The following MYO7B variants were observed in gnomAD, a reference collection of about 807,000 sequenced individuals.
MYO7B encodes the protein unconventional myosin-VIIb.
Under a neutral mutation model 259.7 loss-of-function variants are expected in MYO7B, and 212 were observed. The observed-to-expected ratio is 0.82, with a 90% confidence interval of 0.73 to 0.91. The LOEUF is 0.91. MYO7B is among the 40% of genes least tolerant of loss of function. The probability of loss-of-function intolerance (pLI) is 0.00; values close to 1 mark genes in which losing one functional copy is unlikely to be tolerated. For missense variants in MYO7B, 2,732 were observed against 2,813.5 expected, an observed-to-expected ratio of 0.97 and a Z score of 0.66; for synonymous variants, 1,197 against 1,166.4, an observed-to-expected ratio of 1.03 and a Z score of -0.54.
intron 12 of MYO7B, among the ~76,000 whole-genome samples, chr2:127,583,781 C>T (rs1315098242): frequency 6.6e-6 from 1 of 152,156 alleles, no homozygotes; most frequent in African/African-American, 2.4e-5. Context: ...CTGGTGTGCA[C>T]TCAGACCACA....
rs1393519663 is a variant in MYO7B, at chr2:127,590,500, C to T, written c.1992+271C>T. Among the ~76,000 whole-genome samples the T allele has an allele frequency of 6.6e-6, 1 of 152,248 alleles. No homozygotes were observed. The highest frequency in any genetic ancestry group is 2.4e-5 in the African/African-American group (1 of 41,462). On this transcript the variant is annotated intron_variant, in intron 16 of 47. Coordinates refer to ENST00000409816, the MANE Select transcript of MYO7B (RefSeq NM_001393586.1). The surrounding 1 kb of genome is among the most constrained non-coding windows in gnomAD (Gnocchi z 4.6). ...TGGCCTGGCTCTTTGCTGCTGTGAG[C>T]CTCAGTTTTCCCTTCTGTTAAGTCA... is the stretch of plus-strand genomic sequence containing the variant.
rs372712961 is a variant in MYO7B at position 127,560,201 on chromosome 2, A to G, written c.18+461A>G. Among the ~76,000 whole-genome samples the G allele has an allele frequency of 4.0e-5, 6 of 151,588 alleles. No individual in the cohort carries two copies. In the East Asian group the frequency reaches 7.8e-4, roughly 20 times the overall value. Reference sequence around the variant, plus strand: ...GCCACCACACCCAGCTAATTTTTGTATTTTTGTAGGGAGAGGGTTTTGCCA... The same window carrying G: ...GCCACCACACCCAGCTAATTTTTGTGTTTTTGTAGGGAGAGGGTTTTGCCA... On this transcript the variant is annotated intron_variant, in intron 2 of 47. Coordinates refer to ENST00000409816, the MANE Select transcript of MYO7B (RefSeq NM_001393586.1).
intron 9 of MYO7B, among the ~76,000 whole-genome samples, chr2:127,578,781 A>G (rs1678989778): frequency 6.6e-6 from 1 of 152,206 alleles, no homozygotes; most frequent in African/African-American, 2.4e-5. Context: ...AAATAGGAAC[A>G]AGGAAATGAG....
intron 26 of MYO7B, among the ~76,000 whole-genome samples, chr2:127,618,842 G>C (rs1484852036): frequency 6.6e-6 from 1 of 152,240 alleles, no homozygotes; most frequent in Non-Finnish European, 1.5e-5. Context: ...GCAGGATGGA[G>C]CCTGGGGCTG....
At chr2:127,552,780 CTG>C (rs1474258561) in intron 1 of MYO7B, among the ~76,000 whole-genome samples, 2 of 152,180 alleles carry the variant, frequency 1.3e-5, no homozygotes, top group Admixed American at 1.3e-4. Context: ...GCAATTCCCT[CTG>C]TGTCTTTTCC....
intron 1 of MYO7B, among the ~76,000 whole-genome samples, chr2:127,552,581 TG>T (rs1463156321): frequency 6.6e-6 from 1 of 152,076 alleles, no homozygotes; most frequent in African/African-American, 2.4e-5. Flanking sequence ...ACAGGCCATG[TG>T]GGGAATGGCA....
rs1482622505 is a variant in MYO7B at position 127,577,660 on chromosome 2, A to G, written c.850-473A>G. ...GTGGGGCCAGCTCTGCACCTCCTCC[A>G]AGAAGCCTTTCTCCACCTCTCGATA... On this transcript the variant is annotated intron_variant, in intron 8 of 47. Coordinates refer to ENST00000409816, the MANE Select transcript of MYO7B (RefSeq NM_001393586.1). This position sits in a 1 kb window ranked among gnomAD's most constrained non-coding sequence, Gnocchi z 5.2. 6.6e-6 allele frequency among the ~76,000 whole-genome samples: 1 copy of G among 151,876 alleles called. No individual in the cohort carries two copies. Among genetic ancestry groups the G allele is most frequent in the Non-Finnish European group, 1.5e-5 (1 of 67,990 alleles).
At chr2:127,626,898 CTT>C (rs527667012) in intron 31 of MYO7B, 75 bp from the exon 32 acceptor site, 3 of 1,348,926 alleles carry the variant, frequency 2.2e-6, no homozygotes, top group East Asian at 5.0e-5. Flanking sequence ...TCCATCAACT[CTT>C]TTACCCTGAG....
In MYO7B at chr2:127,636,565, C is replaced by T. The variant is rs1681826093; in HGVS notation, c.6144C>T (p.Tyr2048=). ...CCCAGCAAACCTCGGAGCCTTCCTA[C>T]CCGGACGTCATCCTCATCGCCATCA... ...FEVKQTSEPS[Y]PDVILIAINR... is the part of the protein sequence containing the mutation. The change falls in exon 46 of 48, where the codon TAC becomes TAT. Residue 2048 remains tyrosine, a synonymous_variant. Transcript: ENST00000409816. The surrounding 1 kb of genome is among the most constrained non-coding windows in gnomAD (Gnocchi z 4.5). The T allele has an allele frequency of 3.1e-6, 5 of 1,612,348 alleles. No homozygotes were observed. Among genetic ancestry groups the T allele is most frequent in the Non-Finnish European group, 4.2e-6 (5 of 1,179,252 alleles).
chr2:127,597,328 G>A lies in MYO7B; in HGVS notation c.2339+772G>A, dbSNP rs1679808386. Among the ~76,000 whole-genome samples the A allele has an allele frequency of 6.6e-6, 1 of 152,198 alleles. No individual in the cohort carries two copies. Among genetic ancestry groups the A allele is most frequent in the African/African-American group, 2.4e-5 (1 of 41,448 alleles). On this transcript the variant is annotated intron_variant, in intron 19 of 47. Coordinates refer to ENST00000409816, the MANE Select transcript of MYO7B (RefSeq NM_001393586.1). The surrounding 1 kb of genome is among the most constrained non-coding windows in gnomAD (Gnocchi z 4.8). ...GATTACTGTAGATTTACATGCAGTT[G>A]TAAGAAACAATACAGAGATATTGCC...
intron 2 of MYO7B, among the ~76,000 whole-genome samples, chr2:127,563,273 T>G (rs373786747): frequency 6.6e-6 from 1 of 152,246 alleles, no homozygotes; most frequent in African/African-American, 2.4e-5. Context: ...TGGGTTTCAG[T>G]ACCTCCGAAC....
intron 39 of MYO7B, among the ~76,000 whole-genome samples, chr2:127,632,768 T>C (rs1436763581): frequency 6.6e-6 from 1 of 151,762 alleles, no homozygotes; most frequent in Non-Finnish European, 1.5e-5. Context: ...CCCACAGCCG[T>C]GAAGCTCTTC....
In MYO7B at chr2:127,615,300, T is replaced by C. The variant is rs764478622; in HGVS notation, c.3398+2697T>C. Among the ~76,000 whole-genome samples, 2 of 152,072 alleles carry C rather than the reference T, an allele frequency of 1.3e-5. No individual in the cohort carries two copies. The highest frequency in any genetic ancestry group is 2.9e-5 in the Non-Finnish European group (2 of 68,028). ...CTGCCATGGTTACTACTTGAGACCA[T>C]TGCTACGATAGTTACTACTGTCACT... On this transcript the variant is annotated intron_variant, in intron 26 of 47. Coordinates refer to ENST00000409816, the MANE Select transcript of MYO7B (RefSeq NM_001393586.1). The surrounding 1 kb of genome is among the most constrained non-coding windows in gnomAD (Gnocchi z 4.4).
rs755921738 is a variant in MYO7B at position 127,576,680 on chromosome 2, C to T, written c.821C>T (p.Thr274Met). 15 of 1,609,826 alleles carry T rather than the reference C, an allele frequency of 9.3e-6. No homozygotes were observed. The highest frequency in any genetic ancestry group is 2.2e-5 in the East Asian group (1 of 44,782). ...AEDKQLLSLGTPSEYHYLTMG... is the reference protein window; with the variant it reads ...AEDKQLLSLGMPSEYHYLTMG... ...GACAAGCAGCTGCTGAGCCTGGGCA[C>T]GCCCTCCGAGTACCACTACCTGACC... The change falls in exon 8 of 48, where the codon ACG becomes ATG. Residue 274 changes from threonine to methionine, a missense_variant. Coordinates refer to ENST00000409816, the MANE Select transcript of MYO7B (RefSeq NM_001393586.1). The surrounding 1 kb of genome is among the most constrained non-coding windows in gnomAD (Gnocchi z 4.9).
intron 1 of MYO7B, among the ~76,000 whole-genome samples, chr2:127,555,226 C>A (rs977487535): frequency 1.3e-5 from 2 of 152,214 alleles, no homozygotes; most frequent in Non-Finnish European, 2.9e-5. Flanking sequence ...GGATTACAGG[C>A]TTGAGCCACC....
chr2:127,571,226 C>G (rs1678590800), intron 6 of MYO7B, among the ~76,000 whole-genome samples: 1 of 152,126 alleles, frequency 6.6e-6, no homozygotes, highest in Non-Finnish European at 1.5e-5. Context: ...TCTGGTTGTC[C>G]TGTGTCCCCA....
Position 127,617,483 on chromosome 2 carries a change from CGG to C in MYO7B, c.3399-2854_3399-2853del, listed in dbSNP as rs1401991906. ...CCTTATGCTGCCAGCAGACTTGTAA[CGG>C]GGTTTTTTTTTTTTTTTTTTTTTTT... On this transcript the variant is annotated intron_variant, in intron 26 of 47. Transcript: ENST00000409816. Among the ~76,000 whole-genome samples, 146 of 121,422 alleles carry C rather than the reference CGG, an allele frequency of 1.2e-3. 1 individual carries two copies. The highest frequency in any genetic ancestry group is 4.7e-3 in the African/African-American group (134 of 28,788). 79.7% of individuals were successfully genotyped at this position (121,422 alleles called of 152,430 possible).
At position 127,577,879 on chromosome 2, in the gene MYO7B, C is replaced by T. The variant is rs1011267459; in HGVS notation, c.850-254C>T. 1.3e-5 allele frequency among the ~76,000 whole-genome samples: 2 copies of T among 152,074 alleles called. No individual in the cohort carries two copies. Among genetic ancestry groups the T allele is most frequent in the Non-Finnish European group, 2.9e-5 (2 of 68,038 alleles). Reference sequence around the variant, plus strand: ...CAAGGCAAGCTCGAGTAGGGACGAACGACAAATAGAGGATCAGAGAAGAAG... The same window carrying T: ...CAAGGCAAGCTCGAGTAGGGACGAATGACAAATAGAGGATCAGAGAAGAAG... On this transcript the variant is annotated intron_variant, in intron 8 of 47. Coordinates refer to ENST00000409816, the MANE Select transcript of MYO7B (RefSeq NM_001393586.1). The surrounding 1 kb of genome is among the most constrained non-coding windows in gnomAD (Gnocchi z 5.2).
At chr2:127,624,768 G>A (rs941103328) in intron 30 of MYO7B, among the ~76,000 whole-genome samples, 10 of 152,190 alleles carry the variant, frequency 6.6e-5, no homozygotes, top group Non-Finnish European at 1.2e-4. Flanking sequence ...GGAGTGTACC[G>A]GGAGCTCTTT....
Sources: allele counts gnomAD v4.1 joint callset (sites outside exome capture counted in the v4.1 genomes callset), GRCh38; gene constraint gnomAD v4.1.1; non-coding constraint Gnocchi (gnomAD v3.1); transcripts MANE v1.5; gene names NCBI Gene and HGNC (gene_info 2026-07-23, HGNC 2026-07-21).